The following NME7 variants were observed in gnomAD, a reference collection of about 807,000 sequenced individuals.
NME7 encodes nucleoside diphosphate kinase 7.
Under a neutral mutation model 49.1 loss-of-function variants are expected in NME7, and 41 were observed. The observed-to-expected ratio is 0.83, with a 90% CI of 0.65 to 1.08. The LOEUF (loss-of-function observed/expected upper bound fraction) is 1.08. Among genes scored for constraint, NME7 ranks in the 50% least tolerant of loss-of-function variants. NME7 has a pLI of 0.00. For synonymous variants in NME7, 139 were observed against 150.6 expected, an observed-to-expected ratio of 0.92 and a Z score of 0.56; for missense variants, 423 against 463.4, an observed-to-expected ratio of 0.91 and a Z score of 0.80.
intron 11 of NME7, among the ~76,000 whole-genome samples, chr1:169,139,935 A>G (rs1658540694): frequency 2.0e-5 from 3 of 152,234 alleles, no homozygotes; most frequent in Admixed American, 6.5e-5. Context: ...CTTTTGCCAC[A>G]GAAGACATTT....
chr1:169,361,402 T>C (rs1013038426), intron 1 of NME7, among the ~76,000 whole-genome samples: 1 of 152,232 alleles, frequency 6.6e-6, no homozygotes, highest in Non-Finnish European at 1.5e-5. Context: ...ATTCACTTTT[T>C]GTAAATAAAA....
At chr1:169,227,984 A>G (rs562703638) in intron 10 of NME7, among the ~76,000 whole-genome samples, 44 of 147,872 alleles carry the variant, frequency 3.0e-4, no homozygotes, top group Admixed American at 1.2e-3. Flanking sequence ...ACTTTATTAC[A>G]TAATATATAT....
chr1:169,281,424 CCTATCTGAATACCCTTTATTG>C (rs1460205164), intron 7 of NME7, among the ~76,000 whole-genome samples: 1 of 152,194 alleles, frequency 6.6e-6, no homozygotes, highest in Non-Finnish European at 1.5e-5. Context: ...TTCTTCTCTT[CCTATCTGAATACCCTTTATTG>C]CTTTCTCTTG....
At chr1:169,323,906 T>G (rs1415749434) in intron 2 of NME7, among the ~76,000 whole-genome samples, 1 of 133,330 alleles carries the variant, frequency 7.5e-6, no homozygotes, top group Non-Finnish European at 1.5e-5. Context: ...CAGGCAGGAG[T>G]GCAGTGGCGT....
At chr1:169,146,270 C>T (rs1438082844) in intron 11 of NME7, among the ~76,000 whole-genome samples, 1 of 152,136 alleles carries the variant, frequency 6.6e-6, no homozygotes. Context: ...AAAGAATAAG[C>T]CCTAATTTCC....
intron 6 of NME7, among the ~76,000 whole-genome samples, chr1:169,289,865 C>A (rs560879840): frequency 5.0e-4 from 76 of 152,062 alleles, no homozygotes; most frequent in African/African-American, 1.8e-3. Flanking sequence ...AATTCAAAGT[C>A]TTTATAAAAC....
At chr1:169,201,579 G>T (rs997713587) in intron 10 of NME7, among the ~76,000 whole-genome samples, 4 of 152,114 alleles carry the variant, frequency 2.6e-5, no homozygotes, top group Non-Finnish European at 5.9e-5. Flanking sequence ...GTATCTTGAA[G>T]GACTTGATTG....
intron 11 of NME7, chr1:169,169,146 C>T (rs1659503299): frequency 7.1e-6 from 3 of 421,600 alleles, no homozygotes; most frequent in Non-Finnish European, 1.3e-5. Flanking sequence ...AGTCCAAAAT[C>T]ATCAGATGGC....
intron 10 of NME7, among the ~76,000 whole-genome samples, chr1:169,178,412 T>C (rs1659821898): frequency 6.6e-6 from 1 of 152,120 alleles, no homozygotes; most frequent in Non-Finnish European, 1.5e-5. Context: ...CACAAGTGTT[T>C]GAGTTGTGGC....
intron 10 of NME7, among the ~76,000 whole-genome samples, chr1:169,204,274 T>A (rs547020911): frequency 6.6e-6 from 1 of 151,268 alleles, no homozygotes; most frequent in Admixed American, 6.6e-5. Flanking sequence ...ACTGGCTGCC[T>A]CTCCTCCTAA....
intron 10 of NME7, among the ~76,000 whole-genome samples, chr1:169,218,341 C>G (rs1479736227): frequency 6.6e-6 from 1 of 152,082 alleles, no homozygotes; most frequent in African/African-American, 2.4e-5. Flanking sequence ...GCTTGTAATC[C>G]TAGCACACCG....
intron 2 of NME7, among the ~76,000 whole-genome samples, chr1:169,323,750 T>C (rs1369989384): frequency 1.3e-5 from 2 of 151,922 alleles, no homozygotes; most frequent in Admixed American, 6.6e-5. Flanking sequence ...CTTTCAATAA[T>C]GAGGACGTAT....
chr1:169,364,771 G>T lies in NME7; in HGVS notation c.3+2937C>A, dbSNP rs528585689. Among the ~76,000 whole-genome samples, 7 of 152,264 alleles carry T rather than the reference G, an allele frequency of 4.6e-5. No individual in the cohort carries two copies. The South Asian group carries it at 1.4e-3, about 32-fold the overall frequency. Reference sequence around the variant, plus strand: ...ATAGTTTAACTTTGAAGCAAGGATGGTAATAGTCCCTTCCAAAACTGACCC... The same window carrying T: ...ATAGTTTAACTTTGAAGCAAGGATGTTAATAGTCCCTTCCAAAACTGACCC... On this transcript the variant is annotated intron_variant, in intron 1 of 11. Transcript: ENST00000367811.
intron 1 of NME7, among the ~76,000 whole-genome samples, chr1:169,347,044 CT>C (rs763899865): frequency 7.9e-5 from 12 of 151,998 alleles, no homozygotes; most frequent in Non-Finnish European, 1.6e-4. Flanking sequence ...ATATATAATT[CT>C]TGTAATAATA....
In NME7 at chr1:169,249,032, T is replaced by C. The variant is rs188588847; in HGVS notation, c.755-11345A>G. 3.9e-5 allele frequency among the ~76,000 whole-genome samples: 6 copies of C among 152,260 alleles called. No homozygotes were observed. The East Asian group carries it at 1.2e-3, about 29-fold the overall frequency. On this transcript the variant is annotated intron_variant, in intron 7 of 11. Transcript: ENST00000367811. ...CTAATTCTGTGAAAAATGATGTTGGTATTTTGATAGGAATTGCACTGAATC... is the reference window on the plus strand; with the variant it reads ...CTAATTCTGTGAAAAATGATGTTGGCATTTTGATAGGAATTGCACTGAATC...
chr1:169,153,738 C>T (rs1167374696), intron 11 of NME7, among the ~76,000 whole-genome samples: 1 of 152,106 alleles, frequency 6.6e-6, no homozygotes, highest in Non-Finnish European at 1.5e-5. Context: ...CGTTCTGTCA[C>T]CCAAGCTGGA....
At chr1:169,140,517 T>A (rs545122460) in intron 11 of NME7, among the ~76,000 whole-genome samples, 3 of 152,230 alleles carry the variant, frequency 2.0e-5, no homozygotes, top group African/African-American at 7.2e-5. Context: ...AAAAAGGACA[T>A]ATGGCCCCAT....
At chr1:169,232,558 G>A (rs915307224) in intron 9 of NME7, among the ~76,000 whole-genome samples, 1 of 51,944 alleles carries the variant, frequency 1.9e-5, no homozygotes, top group Non-Finnish European at 5.1e-5. Context: ...CAGGGTGTTG[G>A]GGGGGGGGCA....
intron 6 of NME7, among the ~76,000 whole-genome samples, chr1:169,288,642 T>C (rs1247828765): frequency 6.6e-6 from 1 of 152,164 alleles, no homozygotes; most frequent in Non-Finnish European, 1.5e-5. Flanking sequence ...GATGAGGAAT[T>C]ATTCAAATAG....
Sources: allele counts gnomAD v4.1 joint callset (sites outside exome capture counted in the v4.1 genomes callset), GRCh38; gene constraint gnomAD v4.1.1; transcripts MANE v1.5; gene names NCBI Gene and HGNC (gene_info 2026-07-23, HGNC 2026-07-21).